Variants in NMUR1 observed in about 807,000 individuals in gnomAD.
NMUR1 encodes the protein neuromedin U receptor 1.
Under a neutral mutation model 18.8 loss-of-function variants are expected in NMUR1, and 16 were observed. That is an observed-to-expected ratio of 0.85 (90% CI 0.58 to 1.29). NMUR1 has a LOEUF of 1.29. NMUR1 is among the 50% of genes most tolerant of loss of function. NMUR1 has a pLI of 0.00. For synonymous variants in NMUR1, 258 were observed against 258.2 expected, an observed-to-expected ratio of 1.00 and a Z score of 0.01; for missense variants, 529 against 580.3, an observed-to-expected ratio of 0.91 and a Z score of 0.91.
rs530578725 is a variant in NMUR1, at chr2:231,523,563, G to A, written c.*1480C>T. On this transcript the variant is annotated 3_prime_UTR_variant, in exon 3 of 3. Transcript: ENST00000305141. ...CTAAACATCTGCAACCCTGTACCAC[G>A]TCCTCCACTTTCTCGGCAGGGAGCA... is the stretch of plus-strand genomic sequence containing the variant. 6.8e-4 allele frequency: 133 copies of A among 194,870 alleles called. 1 individual carries two copies. Among genetic ancestry groups the A allele is most frequent in the African/African-American group, 2.4e-3 (106 of 43,610 alleles). 12.1% of individuals were successfully genotyped at this position (194,870 alleles called of 1,614,324 possible). A position where few individuals can be genotyped will look rare whatever the true frequency, so the allele number is the denominator to read the frequency against.
At chr2:231,529,675 G>A (rs2047396484) in intron 1 of NMUR1, among the ~76,000 whole-genome samples, 1 of 152,198 alleles carries the variant, frequency 6.6e-6, no homozygotes, top group Non-Finnish European at 1.5e-5. Context: ...GTCTTCAAGA[G>A]CAAGCGCTCA....
At chr2:231,529,979 C>T (rs2047398575) in intron 1 of NMUR1, among the ~76,000 whole-genome samples, 1 of 152,230 alleles carries the variant, frequency 6.6e-6, no homozygotes, top group South Asian at 2.1e-4. Flanking sequence ...ACTGTTCAGT[C>T]TCCATATTTG....
At chr2:231,530,241 G>T in intron 1 of NMUR1, 118 bp downstream of exon 1, 1 of 1,242,848 alleles carries the variant, frequency 8.0e-7, no homozygotes, top group Non-Finnish European at 1.1e-6. Flanking sequence ...CCCGGTGGCG[G>T]GGACGGGGGG....
chr2:231,522,803 A>G (rs887780700), downstream of NMUR1, among the ~76,000 whole-genome samples: 3 of 151,762 alleles, frequency 2.0e-5, no homozygotes, highest in Non-Finnish European at 2.9e-5. Context: ...CATTGTCCTC[A>G]GTGTCCCCAC....
intron 1 of NMUR1, 72 bp downstream of exon 1, chr2:231,530,287 G>A: frequency 1.3e-6 from 2 of 1,491,232 alleles, no homozygotes; most frequent in Non-Finnish European, 1.8e-6. Flanking sequence ...TCCCGCCCTA[G>A]GACGACCCTG....
At chr2:231,529,746 G>T (rs79137552) in intron 1 of NMUR1, among the ~76,000 whole-genome samples, 2 of 152,304 alleles carry the variant, frequency 1.3e-5, no homozygotes, top group East Asian at 3.9e-4. Flanking sequence ...GACCTTTAGC[G>T]AGGTAACCTC....
At chr2:231,521,499 A>C (rs561514153), downstream of NMUR1, among the ~76,000 whole-genome samples, 1 of 152,322 alleles carries the variant, frequency 6.6e-6, no homozygotes, top group African/African-American at 2.4e-5. Flanking sequence ...GGATGTGACC[A>C]AGGGGCTAGG....
At chr2:231,522,846 G>A (rs1190841406), downstream of NMUR1, among the ~76,000 whole-genome samples, 5 of 152,120 alleles carry the variant, frequency 3.3e-5, no homozygotes, top group African/African-American at 4.8e-5. Flanking sequence ...CTCTCTGTCC[G>A]GGAGCCCCTG....
At chr2:231,521,469 C>G (rs2047303270), downstream of NMUR1, among the ~76,000 whole-genome samples, 1 of 152,154 alleles carries the variant, frequency 6.6e-6, no homozygotes, top group South Asian at 2.1e-4. Context: ...TGGGAGAGCA[C>G]CTGGAGGCAC....
intron 2 of NMUR1, among the ~76,000 whole-genome samples, chr2:231,527,765 G>T (rs979961144): frequency 6.6e-6 from 1 of 152,050 alleles, no homozygotes; most frequent in South Asian, 2.1e-4. Context: ...CAGAGCCAGG[G>T]CCCCAAGTTT....
In NMUR1 at chr2:231,530,379, A is replaced by C; in HGVS notation, c.-18T>G. 6.7e-7 allele frequency: 1 copy of C among 1,486,362 alleles called. No individual in the cohort carries two copies. The highest frequency in any genetic ancestry group is 8.9e-7 in the Non-Finnish European group (1 of 1,125,604). 92.1% of individuals were successfully genotyped at this position (1,486,362 alleles called of 1,614,324 possible). On this transcript the variant is annotated 5_prime_UTR_variant, in exon 1 of 3. Coordinates refer to ENST00000305141, the MANE Select transcript of NMUR1 (RefSeq NM_006056.5). ...CCTACCATGCGGCCCGCGGCCCGCG[A>C]GACCCCGGCTTCCACCCTCCGAGCG...
downstream of NMUR1, among the ~76,000 whole-genome samples, chr2:231,522,470 G>A (rs868807562): frequency 2.1e-4 from 32 of 152,048 alleles, no homozygotes; most frequent in East Asian, 5.8e-4. Flanking sequence ...TTTGGGATCC[G>A]GCATCTCCCC....
At chr2:231,522,741 C>T (rs2047316734), downstream of NMUR1, among the ~76,000 whole-genome samples, 1 of 152,034 alleles carries the variant, frequency 6.6e-6, no homozygotes, top group African/African-American at 2.4e-5. Context: ...CCCCTCAGCT[C>T]CCTCATCCAC....
downstream of NMUR1, among the ~76,000 whole-genome samples, chr2:231,519,497 C>T (rs188766107): frequency 2.0e-5 from 3 of 152,322 alleles, no homozygotes; most frequent in East Asian, 3.9e-4. Context: ...ATTTAGAAAC[C>T]TGGACACCAT....
downstream of NMUR1, among the ~76,000 whole-genome samples, chr2:231,519,712 T>C (rs2047290952): frequency 6.6e-6 from 1 of 152,208 alleles, no homozygotes; most frequent in Admixed American, 6.5e-5. Flanking sequence ...GCTCACCACC[T>C]CCACACTCCA....
downstream of NMUR1, among the ~76,000 whole-genome samples, chr2:231,522,141 G>A (rs2047310613): frequency 6.6e-6 from 1 of 151,742 alleles, no homozygotes; most frequent in African/African-American, 2.4e-5. Context: ...CACCACACCT[G>A]GCTACTTTTT....
Position 231,528,009 on chromosome 2 carries a change from G to A in NMUR1, c.898+114C>T, listed in dbSNP as rs143208540. The A allele has an allele frequency of 5.7e-5, 54 of 945,932 alleles. No homozygotes were observed. In the African/African-American group the frequency reaches 7.7e-4, roughly 13 times the overall value. The allele number at this position is 945,932 out of a possible 1,614,324, so 58.6% of individuals were successfully genotyped here. A position where few individuals can be genotyped will look rare whatever the true frequency, so the allele number is the denominator to read the frequency against. On this transcript the variant is annotated intron_variant, in intron 2 of 2. Transcript: ENST00000305141. ...ACACACACACACACACGAGACTAGA[G>A]GAGTTCCTCGTCCCCCATAAACCCA...
At chr2:231,529,744 GC>G (rs953757633) in intron 1 of NMUR1, among the ~76,000 whole-genome samples, 1 of 152,196 alleles carries the variant, frequency 6.6e-6, no homozygotes, top group African/African-American at 2.4e-5. Flanking sequence ...GTGACCTTTA[GC>G]GAGGTAACCT....
At position 231,528,738 on chromosome 2, in the gene NMUR1, T is replaced by G. The variant is rs1011013970; in HGVS notation, c.283A>C (p.Thr95Pro). The change falls in exon 2 of 3, where the codon ACC becomes CCC. Residue 95 changes from threonine to proline, a missense_variant. Thr to Pro is a conservative substitution (Grantham distance 38, BLOSUM62 -1). Transcript: ENST00000305141. ...ILRHKAMRTPTNYYLFSLAVS... is the reference protein window; with the variant it reads ...ILRHKAMRTPPNYYLFSLAVS... Reference sequence around the variant, plus strand: ...GCCAGGCTGAAGAGGTAGTAGTTGGTAGGCGTGCGCATGGCCTTGTGGCGC... The same window carrying G: ...GCCAGGCTGAAGAGGTAGTAGTTGGGAGGCGTGCGCATGGCCTTGTGGCGC... 6.2e-7 allele frequency: 1 copy of G among 1,614,220 alleles called. No individual in the cohort carries two copies. Among genetic ancestry groups the G allele is most frequent in the Non-Finnish European group, 8.5e-7 (1 of 1,180,046 alleles).
Sources: allele counts gnomAD v4.1 joint callset (sites outside exome capture counted in the v4.1 genomes callset), GRCh38; gene constraint gnomAD v4.1.1; transcripts MANE v1.5; gene names NCBI Gene and HGNC (gene_info 2026-07-23, HGNC 2026-07-21).